GRM5: variants seen among roughly 807,000 people sequenced by gnomAD.
The protein encoded by GRM5 is metabotropic glutamate receptor 5.
In GRM5, 19 loss-of-function variants were observed where a neutral mutation model predicts 83.1. The ratio of observed to expected loss-of-function variants is 0.23; its 90% confidence interval spans 0.16 to 0.34. GRM5 has a LOEUF of 0.34. GRM5 is among the 10% of genes least tolerant of loss of function. The pLI is 1.00. For synonymous variants in GRM5, 675 were observed against 633.6 expected, an observed-to-expected ratio of 1.07 and a Z score of -0.98; for missense variants, 1,160 against 1,588.3, an observed-to-expected ratio of 0.73 and a Z score of 4.58.
chr11:88,863,934 G>C (rs1416811873), intron 2 of GRM5, among the ~76,000 whole-genome samples: 1 of 151,404 alleles, frequency 6.6e-6, no homozygotes, highest in Non-Finnish European at 1.5e-5. Flanking sequence ...AGGGACCACT[G>C]ACTTAACTGG....
intron 2 of GRM5, among the ~76,000 whole-genome samples, 170 bp from the exon 3 acceptor site, chr11:88,850,325 A>G (rs1419718688): frequency 6.6e-6 from 1 of 152,190 alleles, no homozygotes; most frequent in African/African-American, 2.4e-5. Flanking sequence ...ATTTTGGGCA[A>G]ATTACAATTG....
At chr11:88,922,694 AACT>A (rs1359008991) in intron 2 of GRM5, among the ~76,000 whole-genome samples, 2 of 152,182 alleles carry the variant, frequency 1.3e-5, no homozygotes, top group Non-Finnish European at 2.9e-5. Flanking sequence ...AACACCCAAC[AACT>A]ACAAGCAACC....
At chr11:88,965,293 C>T (rs1170659850) in intron 2 of GRM5, among the ~76,000 whole-genome samples, 5 of 152,078 alleles carry the variant, frequency 3.3e-5, no homozygotes, top group Admixed American at 3.3e-4. Flanking sequence ...AGGCCTCTTG[C>T]AAGGTTGCAG....
intron 2 of GRM5, among the ~76,000 whole-genome samples, chr11:88,873,118 ACACT>A (rs771512356): frequency 1.3e-5 from 2 of 151,810 alleles, no homozygotes; most frequent in African/African-American, 2.4e-5. Flanking sequence ...AAAGATAAAG[ACACT>A]CACAATGATA....
At position 88,653,218 on chromosome 11, in the gene GRM5, C is replaced by T. The variant is rs201050787; in HGVS notation, c.1097G>A (p.Arg366Gln). The T allele has an allele frequency of 1.4e-5, 23 of 1,612,630 alleles. 1 individual carries two copies. The highest frequency in any genetic ancestry group is 1.7e-4 in the Middle Eastern group (1 of 6,056). The change falls in exon 4 of 10, where the codon CGA becomes CAA. Residue 366 changes from arginine to glutamine, a missense_variant. Physicochemically the swap from Arg to Gln is conservative, Grantham distance 43. Coordinates refer to ENST00000305447, the MANE Select transcript of GRM5 (RefSeq NM_001143831.3). ...GTTCTCCTGTGGAAACCCTTCCAGT[C>T]GGCACTGAAAACGATGCTGCCAAAA... ...QEFWQHRFQC[R>Q]LEGFPQENSK...
chr11:88,880,800 T>C (rs1944938557), intron 2 of GRM5, among the ~76,000 whole-genome samples: 1 of 152,202 alleles, frequency 6.6e-6, no homozygotes, highest in African/African-American at 2.4e-5. Flanking sequence ...GGGAAGTGTC[T>C]AGACTTTAAA....
At chr11:88,611,966 TA>T (rs1291081627) in intron 4 of GRM5, among the ~76,000 whole-genome samples, 4 of 151,436 alleles carry the variant, frequency 2.6e-5, no homozygotes, top group African/African-American at 7.3e-5. Context: ...TTTATTTATT[TA>T]TTATTTTTTT....
intron 2 of GRM5, among the ~76,000 whole-genome samples, chr11:88,927,082 A>T (rs1345210377): frequency 1.3e-5 from 2 of 152,190 alleles, no homozygotes; most frequent in Non-Finnish European, 2.9e-5. Flanking sequence ...ATTTGTTGTC[A>T]GCCTCATGAC....
chr11:88,962,057 T>C lies in GRM5; in HGVS notation c.661+85155A>G, dbSNP rs974118573. Among the ~76,000 whole-genome samples, 6 of 152,274 alleles carry C rather than the reference T, an allele frequency of 3.9e-5. No individual in the cohort carries two copies. The East Asian group carries it at 9.6e-4, about 24-fold the overall frequency. Reference sequence around the variant, plus strand: ...TTAGAATCAAGGAAACTGAGATGCATAGATAAACTGAGATGCATAAGTAGT... The same window carrying C: ...TTAGAATCAAGGAAACTGAGATGCACAGATAAACTGAGATGCATAAGTAGT... On this transcript the variant is annotated intron_variant, in intron 2 of 9. Transcript: ENST00000305447.
chr11:88,970,734 CT>C (rs1371583560), intron 2 of GRM5, among the ~76,000 whole-genome samples: 88 of 152,254 alleles, frequency 5.8e-4, no homozygotes, highest in Non-Finnish European at 1.1e-3. Context: ...ATTTGTCTTC[CT>C]TTTTCTCTTT....
chr11:88,770,087 C>G (rs1942701841), intron 3 of GRM5, among the ~76,000 whole-genome samples: 1 of 151,984 alleles, frequency 6.6e-6, no homozygotes, highest in Non-Finnish European at 1.5e-5. Context: ...AAACCCATAA[C>G]CCTAATTTAC....
intron 3 of GRM5, among the ~76,000 whole-genome samples, chr11:88,681,884 A>T (rs1267357465): frequency 6.6e-6 from 1 of 151,362 alleles, no homozygotes; most frequent in African/African-American, 2.4e-5. Flanking sequence ...TTTGTTATTC[A>T]TGTTGTATAC....
chr11:88,517,919 T>C (rs1941566873), intron 9 of GRM5, among the ~76,000 whole-genome samples: 1 of 152,210 alleles, frequency 6.6e-6, no homozygotes, highest in African/African-American at 2.4e-5. Flanking sequence ...TGCATATAGA[T>C]GTGTGTGTAC....
At chr11:88,554,261 A>G (rs570198579) in intron 8 of GRM5, among the ~76,000 whole-genome samples, 1 of 152,224 alleles carries the variant, frequency 6.6e-6, no homozygotes, top group South Asian at 2.1e-4. Flanking sequence ...TAGCACTTTC[A>G]AATGTCTCTC....
intron 3 of GRM5, among the ~76,000 whole-genome samples, chr11:88,744,839 T>C (rs1416104715): frequency 6.6e-6 from 1 of 152,112 alleles, no homozygotes; most frequent in African/African-American, 2.4e-5. Flanking sequence ...GTGAAAACAT[T>C]TGGCAAACAC....
At chr11:88,731,994 CAG>C (rs766942032) in intron 3 of GRM5, among the ~76,000 whole-genome samples, 11 of 151,966 alleles carry the variant, frequency 7.2e-5, no homozygotes, top group Non-Finnish European at 1.3e-4. Flanking sequence ...AAGATTTGTC[CAG>C]AGTCTCTTGG....
chr11:88,667,976 A>T (rs1940087878), intron 3 of GRM5, among the ~76,000 whole-genome samples: 1 of 152,144 alleles, frequency 6.6e-6, no homozygotes, highest in Non-Finnish European at 1.5e-5. Context: ...ATTTATGAAC[A>T]CTTGGCAACA....
At chr11:88,652,606 G>T (rs1311065683) in intron 4 of GRM5, among the ~76,000 whole-genome samples, 2 of 151,984 alleles carry the variant, frequency 1.3e-5, no homozygotes, top group African/African-American at 2.4e-5. Flanking sequence ...TACATTCTTA[G>T]CATCTTATAA....
At chr11:88,944,653 A>T (rs1410877926) in intron 2 of GRM5, among the ~76,000 whole-genome samples, 2 of 151,912 alleles carry the variant, frequency 1.3e-5, no homozygotes, top group Non-Finnish European at 2.9e-5. Flanking sequence ...TGCAGCTTAT[A>T]AAAAATACAC....
Sources: gnomAD v4.1 joint callset for allele counts (sites outside exome capture counted in the v4.1 genomes callset) on GRCh38, gnomAD v4.1.1 for gene constraint, MANE v1.5 for transcripts, NCBI Gene and HGNC (gene_info 2026-07-23, HGNC 2026-07-21) for gene names.